Variants in TKFC observed in about 807,000 individuals in gnomAD.
The protein encoded by TKFC is triokinase and FMN cyclase, also known as triokinase/FMN cyclase.
Under a neutral mutation model 61.0 loss-of-function variants are expected in TKFC, and 46 were observed. The ratio of observed to expected loss-of-function variants is 0.75; its 90% CI spans 0.60 to 0.96. The LOEUF (loss-of-function observed/expected upper bound fraction) is 0.96, where lower values mean the gene tolerates loss of function less well. Among genes scored for constraint, TKFC ranks in the 50% least tolerant of loss-of-function variants. The pLI, the probability that TKFC is intolerant of heterozygous loss-of-function variation, is 0.00. For missense variants in TKFC, 715 were observed against 777.5 expected (o/e 0.92, Z 0.96); for synonymous variants, 314 against 330.1 (o/e 0.95, Z 0.53).
At chr11:61,349,548 G>T (rs780247040), downstream of TKFC, 2 of 702,984 alleles carry the variant, frequency 2.8e-6, no homozygotes, top group South Asian at 1.5e-5. Flanking sequence ...CTGTTCTTGG[G>T]AGAGCAGGTC....
intron 9 of TKFC, 21 bp from the exon 10 acceptor site, chr11:61,342,734 G>A: frequency 1.2e-6 from 2 of 1,613,972 alleles, no homozygotes; most frequent in Non-Finnish European, 1.7e-6. Context: ...GTCTCACCTG[G>A]GGTGTCATGT....
At chr11:61,342,158 C>T (rs1373089553) in intron 7 of TKFC, among the ~76,000 whole-genome samples, 2 of 152,202 alleles carry the variant, frequency 1.3e-5, no homozygotes, top group Non-Finnish European at 2.9e-5. Context: ...CTGCCATTCC[C>T]AGGTCCTCCT....
chr11:61,334,383 T>G (rs1856515057), intron 1 of TKFC: 2 of 273,302 alleles, frequency 7.3e-6, no homozygotes, highest in Non-Finnish European at 7.2e-6. Flanking sequence ...GTGGGTGCTG[T>G]TCCTGGACAT....
intron 13 of TKFC, 134 bp from the exon 14 acceptor site, chr11:61,345,126 A>T: frequency 1.4e-6 from 1 of 737,808 alleles, no homozygotes; most frequent in Non-Finnish European, 2.2e-6. Flanking sequence ...TGCACACTGG[A>T]TGTGGAAAGG....
At position 61,348,595 on chromosome 11, in the gene TKFC, G is replaced by C; in HGVS notation, c.*2092G>C. The C allele has an allele frequency of 1.4e-6, 1 of 726,140 alleles. No homozygotes were observed. Among genetic ancestry groups the C allele is most frequent in the Non-Finnish European group, 1.7e-6 (1 of 592,754 alleles). The allele number at this position is 726,140 out of a possible 1,614,324, so 45.0% of individuals were successfully genotyped here. ...TGGGAGGTGATGGGGTTATGAGGGTGGAGCCCCAGAGAGCTCTCACGCCCT... is the reference window on the plus strand; with the variant it reads ...TGGGAGGTGATGGGGTTATGAGGGTCGAGCCCCAGAGAGCTCTCACGCCCT... On this transcript the variant is annotated 3_prime_UTR_variant, in exon 18 of 18. Coordinates refer to ENST00000394900, the MANE Select transcript of TKFC (RefSeq NM_015533.4).
At chr11:61,334,089 G>T (rs1301420678) in intron 1 of TKFC, 1 of 152,474 alleles carries the variant, frequency 6.6e-6, no homozygotes, top group Non-Finnish European at 1.5e-5. Context: ...GACTTTGGAG[G>T]CACTGAATTA....
downstream of TKFC, chr11:61,350,090 A>G (rs1217883414): frequency 3.6e-6 from 2 of 551,750 alleles, no homozygotes; most frequent in Non-Finnish European, 6.5e-6. Flanking sequence ...CAAAGCCACC[A>G]AGGAAAGCAG....
At chr11:61,351,154 A>G (rs1437602919), downstream of TKFC, 1 of 1,605,706 alleles carries the variant, frequency 6.2e-7, no homozygotes, top group South Asian at 1.1e-5. Flanking sequence ...TTTCCTGAAG[A>G]TGACAAAACA....
At chr11:61,344,703 T>G (rs2135051395) in intron 13 of TKFC, among the ~76,000 whole-genome samples, 1 of 152,342 alleles carries the variant, frequency 6.6e-6, no homozygotes, top group South Asian at 2.1e-4. Flanking sequence ...ATGAGGTTGT[T>G]ATCTTAGAAT....
At chr11:61,350,178 G>A, downstream of TKFC, 3 of 610,508 alleles carry the variant, frequency 4.9e-6, no homozygotes, top group African/African-American at 1.9e-5. Flanking sequence ...GCAGCAAGCG[G>A]CCGGAGAGGG....
chr11:61,353,200 C>T, downstream of TKFC: 1 of 1,519,192 alleles, frequency 6.6e-7, no homozygotes, highest in Admixed American at 2.2e-5. Context: ...ACATCCCACC[C>T]CATCAGTGCC....
downstream of TKFC, chr11:61,350,838 T>G (rs1010956377): frequency 2.1e-5 from 23 of 1,106,232 alleles, no homozygotes; most frequent in Non-Finnish European, 2.5e-5. Flanking sequence ...GGACCAGTGC[T>G]CCCCATCAGC....
At chr11:61,338,688 G>A (rs1856718411) in intron 3 of TKFC, among the ~76,000 whole-genome samples, 1 of 152,210 alleles carries the variant, frequency 6.6e-6, no homozygotes, top group Admixed American at 6.5e-5. Flanking sequence ...GGGCACTAGG[G>A]ATACCAGACA....
intron 11 of TKFC, 111 bp downstream of exon 11, chr11:61,343,569 C>T: frequency 1.9e-6 from 2 of 1,053,478 alleles, no homozygotes; most frequent in Non-Finnish European, 2.8e-6. Flanking sequence ...GGCTCTGGAG[C>T]CTGTGAAGAA....
At chr11:61,335,583 T>C (rs1856572251) in intron 2 of TKFC, 1 of 152,242 alleles carries the variant, frequency 6.6e-6, no homozygotes, top group Non-Finnish European at 1.5e-5. Flanking sequence ...ACCCATGTCC[T>C]TTCTAGGGCA....
Position 61,343,865 on chromosome 11 carries a change from C to T in TKFC, c.992C>T (p.Thr331Ile). Residue 331 changes from threonine to isoleucine, a missense_variant, in exon 12 of 18, where the codon ACC becomes ATC. Coordinates refer to ENST00000394900, the MANE Select transcript of TKFC (RefSeq NM_015533.4). The stretch of plus-strand genomic sequence containing the variant: ...ATCTTGCTGCCCTTAGATGCTGAAA[C>T]CACTGCAGCAGCCTGGCCTAACGTG... ...EPLLKLIDAE[T>I]TAAAWPNVAA... 2 of 1,609,332 alleles carry T rather than the reference C, an allele frequency of 1.2e-6. No individual in the cohort carries two copies. Among genetic ancestry groups the T allele is most frequent in the Non-Finnish European group, 1.7e-6 (2 of 1,179,644 alleles).
Position 61,348,511 on chromosome 11 carries a change from C to G in TKFC, c.*2008C>G, listed in dbSNP as rs1268412443. The G allele has an allele frequency of 6.1e-6, 6 of 984,916 alleles. No homozygotes were observed. Among genetic ancestry groups the G allele is most frequent in the Non-Finnish European group, 6.0e-6 (5 of 829,572 alleles). The allele number at this position is 984,916 out of a possible 1,614,324, so 61.0% of individuals were successfully genotyped here. On this transcript the variant is annotated 3_prime_UTR_variant, in exon 18 of 18. Coordinates refer to ENST00000394900, the MANE Select transcript of TKFC (RefSeq NM_015533.4). Reference sequence around the variant, plus strand: ...TAGAGACTGAATGTTTGTGTCCCCCCCAAATTCCTGTGTTGAAAGGCTCAC... The same window carrying G: ...TAGAGACTGAATGTTTGTGTCCCCCGCAAATTCCTGTGTTGAAAGGCTCAC...
chr11:61,341,584 T>G, intron 6 of TKFC, 70 bp downstream of exon 6: 32 of 1,506,760 alleles, frequency 2.1e-5, no homozygotes, highest in African/African-American at 2.8e-5. Flanking sequence ...AGGAGCAGGT[T>G]CCTGTTGGCT....
chr11:61,342,768 G>T lies in TKFC; in HGVS notation c.789G>T (p.Val263=), dbSNP rs773426326. 12 of 1,614,024 alleles carry T rather than the reference G, an allele frequency of 7.4e-6. No homozygotes were observed. The South Asian group carries it at 8.8e-5, about 12-fold the overall frequency. The change falls in exon 10 of 18, where the codon GTG becomes GTT. Residue 263 remains valine (V), a synonymous_variant. Transcript: ENST00000394900. ...HVPVQPGSSV[V]MMVNNLGGLS... Reference sequence around the variant, plus strand: ...GTCTACCCGCAGGCTCCTCAGTTGTGATGATGGTCAACAACCTGGGTGGCC... The same window carrying T: ...GTCTACCCGCAGGCTCCTCAGTTGTTATGATGGTCAACAACCTGGGTGGCC...
Sources: allele counts gnomAD v4.1 joint callset (sites outside exome capture counted in the v4.1 genomes callset), GRCh38; gene constraint gnomAD v4.1.1; transcripts MANE v1.5; gene names NCBI Gene and HGNC (gene_info 2026-07-23, HGNC 2026-07-21).